The following FHIT variants were observed in gnomAD, a reference collection of about 807,000 sequenced individuals.
FHIT encodes the protein bis(5'-adenosyl)-triphosphatase.
FHIT carries 19 observed loss-of-function variants against 17.9 expected under a neutral mutation model. The observed-to-expected ratio is 1.06, with a 90% confidence interval of 0.74 to 1.56. FHIT has a LOEUF of 1.56. Among genes scored for constraint, FHIT ranks in the 40% most tolerant of loss-of-function variants. The probability of loss-of-function intolerance (pLI) is 0.00; values close to 1 mark genes in which losing one functional copy is unlikely to be tolerated. For missense variants in FHIT, 248 were observed against 189.2 expected, an observed-to-expected ratio of 1.31 and a Z score of -1.82; for synonymous variants, 81 against 69.7, an observed-to-expected ratio of 1.16 and a Z score of -0.81.
At chr3:61,217,109 C>T (rs1015884938) in intron 1 of FHIT, among the ~76,000 whole-genome samples, 6 of 151,766 alleles carry the variant, frequency 4.0e-5, no homozygotes, top group African/African-American at 1.5e-4. Context: ...CTAACCTGCA[C>T]GTTGTGCACA....
At chr3:60,174,219 T>C (rs145805837) in intron 5 of FHIT, among the ~76,000 whole-genome samples, 2 of 151,888 alleles carry the variant, frequency 1.3e-5, no homozygotes, top group East Asian at 3.9e-4. Context: ...CTGTTTCTAA[T>C]ATTTTTAAGA....
At chr3:60,203,351 AAC>A (rs1703006335) in intron 5 of FHIT, among the ~76,000 whole-genome samples, 1 of 152,236 alleles carries the variant, frequency 6.6e-6, no homozygotes, top group Non-Finnish European at 1.5e-5. Context: ...ATCATCAGTG[AAC>A]ACCTCTCCTT....
At chr3:59,987,685 T>A (rs1219926665) in intron 7 of FHIT, among the ~76,000 whole-genome samples, 1 of 151,986 alleles carries the variant, frequency 6.6e-6, no homozygotes, top group Non-Finnish European at 1.5e-5. Context: ...TTTTTTTTCA[T>A]CAATCTGGCA....
intron 3 of FHIT, among the ~76,000 whole-genome samples, chr3:61,035,665 G>C (rs1898748): frequency 0.55 from 82,937 of 152,104 alleles, 25,697 homozygotes; most frequent in East Asian, 0.79. Flanking sequence ...TATGTAAACT[G>C]AAAGGATTAG....
At chr3:60,114,263 T>G (rs1052069880) in intron 5 of FHIT, among the ~76,000 whole-genome samples, 6 of 150,206 alleles carry the variant, frequency 4.0e-5, no homozygotes, top group African/African-American at 1.5e-4. Flanking sequence ...TTTATATAGC[T>G]ACTTAGGAGC....
At chr3:60,501,832 T>C (rs1287269629) in intron 5 of FHIT, among the ~76,000 whole-genome samples, 1 of 152,274 alleles carries the variant, frequency 6.6e-6, no homozygotes, top group African/African-American at 2.4e-5. Context: ...TTATTCATAT[T>C]ACTGTATATT....
chr3:60,075,501 T>C (rs1702964936), intron 5 of FHIT, among the ~76,000 whole-genome samples: 1 of 152,170 alleles, frequency 6.6e-6, no homozygotes, highest in African/African-American at 2.4e-5. Flanking sequence ...GAGTGTTTGT[T>C]TAAAATGATA....
At chr3:60,200,522 T>G (rs1251499576) in intron 5 of FHIT, among the ~76,000 whole-genome samples, 1 of 152,060 alleles carries the variant, frequency 6.6e-6, no homozygotes, top group South Asian at 2.1e-4. Flanking sequence ...ATGGGAAAAA[T>G]TAATTAAATC....
At chr3:61,142,255 T>G (rs371311131) in intron 2 of FHIT, among the ~76,000 whole-genome samples, 1 of 151,504 alleles carries the variant, frequency 6.6e-6, no homozygotes, top group Non-Finnish European at 1.5e-5. Context: ...CTGATTCCCT[T>G]TTCTCCCAGG....
At chr3:60,915,466 G>A (rs77848364) in intron 3 of FHIT, among the ~76,000 whole-genome samples, 1,926 of 152,170 alleles carry the variant, frequency 0.013, 19 homozygotes, top group Non-Finnish European at 0.02. Flanking sequence ...AGAGGCTTCC[G>A]AGCATTTTCA....
chr3:60,309,076 T>G (rs1005258754), intron 5 of FHIT, among the ~76,000 whole-genome samples: 6 of 152,168 alleles, frequency 3.9e-5, no homozygotes, highest in Non-Finnish European at 5.9e-5. Flanking sequence ...GAGTGATAAT[T>G]GACAGTTGTT....
At chr3:60,115,108 T>A (rs569993682) in intron 5 of FHIT, among the ~76,000 whole-genome samples, 1 of 152,100 alleles carries the variant, frequency 6.6e-6, no homozygotes, top group Non-Finnish European at 1.5e-5. Flanking sequence ...GAAACTTTTA[T>A]CTGGATTAAA....
chr3:61,234,337 A>G (rs899055879), intron 1 of FHIT, among the ~76,000 whole-genome samples: 6 of 152,258 alleles, frequency 3.9e-5, no homozygotes, highest in African/African-American at 7.2e-5. Flanking sequence ...CAAATACATC[A>G]GAAAAAATGG....
intron 5 of FHIT, among the ~76,000 whole-genome samples, chr3:60,481,856 C>A (rs144504132): frequency 9.9e-5 from 15 of 152,036 alleles, no homozygotes; most frequent in Non-Finnish European, 1.6e-4. Flanking sequence ...GGGTTAAATG[C>A]GCCAATTAAA....
At chr3:60,233,135 CT>C (rs1022021276) in intron 5 of FHIT, among the ~76,000 whole-genome samples, 8 of 152,236 alleles carry the variant, frequency 5.3e-5, no homozygotes, top group African/African-American at 1.7e-4. Flanking sequence ...AGTCACTATA[CT>C]TTTCTATTTT....
At chr3:60,268,955 T>G (rs1386499814) in intron 5 of FHIT, among the ~76,000 whole-genome samples, 2 of 152,080 alleles carry the variant, frequency 1.3e-5, no homozygotes, top group Non-Finnish European at 2.9e-5. Flanking sequence ...CCTTTCTGGC[T>G]TTAAAGATAG....
Position 60,097,712 on chromosome 3 carries a change from T to A in FHIT, c.104-83560A>T, listed in dbSNP as rs541457078. On this transcript the variant is annotated intron_variant, in intron 5 of 9. Transcript: ENST00000492590. ...CTACCAATTAATTTTTTCTTTTTTT[T>A]AAAATTTTATTATTATTATACTTTA... Among the ~76,000 whole-genome samples, 618 of 151,882 alleles carry A rather than the reference T, an allele frequency of 4.1e-3. 6 individuals are homozygous for A. The highest frequency in any genetic ancestry group is 0.02 in the Middle Eastern group (6 of 294).
Position 60,107,737 on chromosome 3 carries a change from G to T in FHIT, c.104-93585C>A, listed in dbSNP as rs1473953770. Among the ~76,000 whole-genome samples, 4 of 152,242 alleles carry T rather than the reference G, an allele frequency of 2.6e-5. No homozygotes were observed. The East Asian group carries it at 7.7e-4, about 29-fold the overall frequency. On this transcript the variant is annotated intron_variant, in intron 5 of 9. Transcript: ENST00000492590. Reference sequence around the variant, plus strand: ...GCTTTGCAAGCCAAGCAAGGTTTAGGTCACTTATGAGGTCTGATATCATCT... The same window carrying T: ...GCTTTGCAAGCCAAGCAAGGTTTAGTTCACTTATGAGGTCTGATATCATCT...
intron 5 of FHIT, among the ~76,000 whole-genome samples, chr3:60,296,169 C>G (rs1708199169): frequency 6.6e-6 from 1 of 151,952 alleles, no homozygotes; most frequent in Non-Finnish European, 1.5e-5. Flanking sequence ...AATTACCAAT[C>G]TTCGGTATGT....
Sources: gnomAD v4.1 joint callset for allele counts (sites outside exome capture counted in the v4.1 genomes callset) on GRCh38, gnomAD v4.1.1 for gene constraint, MANE v1.5 for transcripts, NCBI Gene and HGNC (gene_info 2026-07-23, HGNC 2026-07-21) for gene names.